Variants in TNPO3 observed in about 807,000 individuals in gnomAD.
The protein encoded by TNPO3 is transportin 3, also known as transportin-3.
A neutral mutation model predicts 122.8 loss-of-function variants in TNPO3; 65 were observed. That is an observed-to-expected ratio of 0.53 (90% CI 0.43 to 0.65). The LOEUF is 0.65. TNPO3 is among the 30% of genes least tolerant of loss of function. TNPO3 has a pLI of 0.00. For synonymous variants in TNPO3, 372 were observed against 411.2 expected (o/e 0.90, Z 1.15); for missense variants, 850 against 1,136.7 (o/e 0.75, Z 3.63).
chr7:128,998,751 T>C (rs942305684), intron 7 of TNPO3, among the ~76,000 whole-genome samples: 2 of 152,186 alleles, frequency 1.3e-5, no homozygotes, highest in Admixed American at 6.5e-5. Flanking sequence ...CTCGAACTCA[T>C]GGGCTCAAGC....
intron 7 of TNPO3, among the ~76,000 whole-genome samples, chr7:128,999,233 A>G (rs1801665470): frequency 6.6e-6 from 1 of 152,238 alleles, no homozygotes; most frequent in South Asian, 2.1e-4. Context: ...TTGGCAAACC[A>G]TCTGTAACTC....
intron 13 of TNPO3, among the ~76,000 whole-genome samples, chr7:128,983,962 G>A (rs569052152): frequency 7.2e-5 from 11 of 152,148 alleles, no homozygotes; most frequent in Non-Finnish European, 1.5e-4. Flanking sequence ...TGGTTTTTCT[G>A]TTAACACTGA....
intron 1 of TNPO3, among the ~76,000 whole-genome samples, chr7:129,036,017 G>A (rs1474125646): frequency 7.1e-6 from 1 of 140,206 alleles, no homozygotes; most frequent in African/African-American, 2.7e-5. Context: ...GCAGTGGTGT[G>A]ATCTCAGCTC....
Position 128,955,293 on chromosome 7 carries a change from G to T in TNPO3, c.*124C>A, listed in dbSNP as rs1358227087. The T allele has an allele frequency of 1.6e-4, 74 of 454,830 alleles. 1 individual carries two copies. Among genetic ancestry groups the T allele is most frequent in the South Asian group, 1.1e-3 (69 of 64,486 alleles). 28.2% of individuals were successfully genotyped at this position (454,830 alleles called of 1,614,324 possible). On this transcript the variant is annotated 3_prime_UTR_variant, in exon 23 of 23. Coordinates refer to ENST00000265388, the MANE Select transcript of TNPO3 (RefSeq NM_012470.4). Reference sequence around the variant, plus strand: ...CTGTCTGGCGGGACACCCTGGTGGCGGTGAAGGCCCCTCTGCCACAACGGA... The same window carrying T: ...CTGTCTGGCGGGACACCCTGGTGGCTGTGAAGGCCCCTCTGCCACAACGGA...
chr7:129,003,112 A>T (rs1802167360), intron 5 of TNPO3, among the ~76,000 whole-genome samples: 1 of 147,604 alleles, frequency 6.8e-6, no homozygotes, highest in African/African-American at 2.5e-5. Flanking sequence ...AGTCCCAGCT[A>T]CTCAGGAGGC....
chr7:129,027,232 C>T (rs866783185), intron 1 of TNPO3, among the ~76,000 whole-genome samples: 1 of 151,956 alleles, frequency 6.6e-6, no homozygotes, highest in East Asian at 1.9e-4. Context: ...TATAACAGAC[C>T]ATCTGGTATT....
At chr7:128,965,291 CAAG>C (rs1156868288) in intron 21 of TNPO3, among the ~76,000 whole-genome samples, 4 of 152,092 alleles carry the variant, frequency 2.6e-5, no homozygotes, top group African/African-American at 7.2e-5. Flanking sequence ...GACATTTCTC[CAAG>C]AAGACAAAAC....
chr7:128,984,838 T>A (rs1025975993), intron 12 of TNPO3, among the ~76,000 whole-genome samples: 3 of 152,202 alleles, frequency 2.0e-5, no homozygotes, highest in Non-Finnish European at 2.9e-5. Flanking sequence ...AAAAAAAAGT[T>A]ACAAAAGCCT....
chr7:128,990,198 T>C (rs1800609112), intron 10 of TNPO3, 98 bp from the exon 11 acceptor site: 1 of 1,324,384 alleles, frequency 7.6e-7, no homozygotes, highest in Non-Finnish European at 1.1e-6. Context: ...CTAAAGGGCT[T>C]CTTTCTAAAC....
Position 128,979,018 on chromosome 7 carries a change from C to T in TNPO3, c.2026G>A (p.Gly676Arg). The change falls in exon 16 of 23, where the codon GGA (glycine) becomes AGA (arginine). Residue 676 changes from glycine to arginine, a missense_variant. Coordinates refer to ENST00000265388, the MANE Select transcript of TNPO3 (RefSeq NM_012470.4). ...LRFAVRCVGK[G>R]SAALLQPLVT... ...AGTGGCTGCAGCAGTGCTGCAGATC[C>T]TTTGCCTACACAGCGAACAGCAAAG... 2 of 1,614,182 alleles carry T rather than the reference C, an allele frequency of 1.2e-6. No homozygotes were observed. Among genetic ancestry groups the T allele is most frequent in the Non-Finnish European group, 1.7e-6 (2 of 1,180,010 alleles).
intron 21 of TNPO3, among the ~76,000 whole-genome samples, chr7:128,960,742 G>C (rs1249035959): frequency 1.3e-5 from 2 of 151,240 alleles, no homozygotes; most frequent in African/African-American, 4.9e-5. Flanking sequence ...CAGTAAGCAA[G>C]AGTTAATTTA....
chr7:128,979,543 T>C (rs1799423816), intron 15 of TNPO3, among the ~76,000 whole-genome samples: 2 of 152,342 alleles, frequency 1.3e-5, no homozygotes, highest in African/African-American at 2.4e-5. Context: ...GAGTATTTAG[T>C]GTTGATGTAA....
intron 4 of TNPO3, among the ~76,000 whole-genome samples, chr7:129,013,910 G>GA (rs1459034826): frequency 4.0e-5 from 6 of 151,730 alleles, no homozygotes; most frequent in Non-Finnish European, 7.4e-5. Context: ...ATGTTGGAGT[G>GA]AAAAAAAATG....
chr7:129,004,911 C>T (rs940163518), intron 5 of TNPO3, 105 bp downstream of exon 5: 18 of 1,068,238 alleles, frequency 1.7e-5, no homozygotes, highest in Non-Finnish European at 2.2e-5. Context: ...TTAATACACG[C>T]CTTCCAGTTA....
chr7:128,995,240 T>A (rs1198541278), intron 8 of TNPO3, among the ~76,000 whole-genome samples: 1 of 152,236 alleles, frequency 6.6e-6, no homozygotes, highest in Non-Finnish European at 1.5e-5. Flanking sequence ...AATTTGTCAT[T>A]AAAAAATTTA....
intron 5 of TNPO3, among the ~76,000 whole-genome samples, chr7:129,002,243 T>C (rs1802018117): frequency 6.6e-6 from 1 of 152,228 alleles, no homozygotes. Flanking sequence ...TTACTTTCCA[T>C]TATATCTTTT....
At chr7:129,000,398 A>C (rs774828681) in intron 7 of TNPO3, 31 bp downstream of exon 7, 1 of 1,556,034 alleles carries the variant, frequency 6.4e-7, no homozygotes, top group African/African-American at 1.4e-5. Context: ...CAACTTGGAG[A>C]ATAATGGCCT....
chr7:129,052,864 ACTT>A, intron 1 of TNPO3, among the ~76,000 whole-genome samples: 1 of 152,364 alleles, frequency 6.6e-6, no homozygotes, highest in African/African-American at 2.4e-5. Flanking sequence ...TCCTAATTAC[ACTT>A]TAGAAAACTA....
chr7:129,033,530 A>G (rs904762951), intron 1 of TNPO3, among the ~76,000 whole-genome samples: 3 of 152,180 alleles, frequency 2.0e-5, no homozygotes, highest in Non-Finnish European at 4.4e-5. Context: ...CTACTATGGA[A>G]AAGGGGATGG....
Sources: allele counts gnomAD v4.1 joint callset (sites outside exome capture counted in the v4.1 genomes callset), GRCh38; gene constraint gnomAD v4.1.1; transcripts MANE v1.5; gene names NCBI Gene and HGNC (gene_info 2026-07-23, HGNC 2026-07-21).